The following RNF40 variants were observed in gnomAD, a reference collection of about 807,000 sequenced individuals.
RNF40 encodes E3 ubiquitin-protein ligase BRE1B.
In RNF40, 39 loss-of-function variants were observed where a neutral mutation model predicts 123.3. That is an observed-to-expected ratio of 0.32 (90% CI 0.24 to 0.41). The LOEUF is 0.41. Among genes scored for constraint, RNF40 ranks in the 10% least tolerant of loss-of-function variants. RNF40 has a pLI of 1.00. For synonymous variants in RNF40, 538 were observed against 526.0 expected, an observed-to-expected ratio of 1.02 and a Z score of -0.31; for missense variants, 1,003 against 1,319.9, an observed-to-expected ratio of 0.76 and a Z score of 3.72.
In RNF40 at chr16:30,774,764, A is replaced by T. The variant is rs961544999; in HGVS notation, c.*650A>T. ...CACCTTCCTCATCTTGCAGGTGCTG[A>T]ACCAACATCATCAGTTTCTATTCTA... On this transcript the variant is annotated 3_prime_UTR_variant, in exon 20 of 20. Transcript: ENST00000324685. 2 of 349,502 alleles carry T rather than the reference A, an allele frequency of 5.7e-6. No homozygotes were observed. Among genetic ancestry groups the T allele is most frequent in the Admixed American group, 7.9e-5 (2 of 25,296 alleles). The allele number at this position is 349,502 out of a possible 1,614,324, so 21.7% of individuals were successfully genotyped here.
At position 30,765,170 on chromosome 16, in the gene RNF40, A is replaced by G; in HGVS notation, c.772-11A>G. ...CCCCCATCCAAGCATCTGCTCCCTC[A>G]TTGTTCCCAGTACTCCGAGCTCCAG... On this transcript the variant is annotated splice_polypyrimidine_tract_variant and intron_variant, in intron 6 of 19. Transcript: ENST00000324685. 4 of 1,613,930 alleles carry G rather than the reference A, an allele frequency of 2.5e-6. No homozygotes were observed. The highest frequency in any genetic ancestry group is 3.4e-6 in the Non-Finnish European group (4 of 1,179,830).
Position 30,769,320 on chromosome 16 carries a change from C to T in RNF40, c.2382C>T (p.Ile794=). ...DANFKLMSER[I]KANQIHKLLR... ...ACTTTAAGCTAATGTCAGAGCGGAT[C>T]AAGGCCAACCAGATTCACAAGCTGC... The change falls in exon 16 of 20, where the codon ATC becomes ATT. Residue 794 remains isoleucine, a synonymous_variant. Coordinates refer to ENST00000324685, the MANE Select transcript of RNF40 (RefSeq NM_014771.4). 6.2e-7 allele frequency: 1 copy of T among 1,614,224 alleles called. No homozygotes were observed.
rs142853979 is a variant in RNF40, at chr16:30,766,992, G to A, written c.1429+116G>A. 2.3e-5 allele frequency: 30 copies of A among 1,322,326 alleles called. No individual in the cohort carries two copies. The African/African-American group carries it at 3.5e-4, about 16-fold the overall frequency. The allele number at this position is 1,322,326 out of a possible 1,614,324, so 81.9% of individuals were successfully genotyped here. A position where few individuals can be genotyped will look rare whatever the true frequency, so the allele number is the denominator to read the frequency against. On this transcript the variant is annotated intron_variant, in intron 11 of 19. Transcript: ENST00000324685. The surrounding 1 kb of genome is among the most constrained non-coding windows in gnomAD (Gnocchi z 5.4). ...AAGGCCTTTTTTTTCACAGAGCCTC[G>A]GCTTCCTATGCAAAACAGGGCCTGC...
intron 2 of RNF40, 169 bp downstream of exon 2, chr16:30,762,846 C>G: frequency 1.1e-6 from 1 of 915,856 alleles, no homozygotes. Context: ...CCTGTCTTCC[C>G]TTTACAGATA....
upstream of RNF40, chr16:30,762,278 G>GGA (rs2053856685): frequency 8.7e-6 from 3 of 344,668 alleles, no homozygotes; most frequent in Non-Finnish European, 1.5e-5. Context: ...GCGCACCGTT[G>GGA]GGGGGGGGGC....
chr16:30,769,687 G>C, intron 17 of RNF40, 87 bp downstream of exon 17: 1 of 1,406,168 alleles, frequency 7.1e-7, no homozygotes, highest in East Asian at 2.5e-5. Context: ...CGATGCAATA[G>C]CCTGAGGTGA....
intron 17 of RNF40, among the ~76,000 whole-genome samples, chr16:30,771,057 C>A (rs1344335303): frequency 1.3e-5 from 2 of 152,126 alleles, no homozygotes; most frequent in East Asian, 3.9e-4. Flanking sequence ...AGGCCTTGCG[C>A]TGATTGCTGT....
At chr16:30,764,506 C>A in intron 5 of RNF40, 121 bp downstream of exon 5, 1 of 845,954 alleles carries the variant, frequency 1.2e-6, no homozygotes, top group Non-Finnish European at 1.8e-6. Flanking sequence ...AGGAATAAAT[C>A]AGCCATGTTC....
At chr16:30,767,308 G>T (rs528447617) in intron 11 of RNF40, among the ~76,000 whole-genome samples, 1 of 152,218 alleles carries the variant, frequency 6.6e-6, no homozygotes, top group Non-Finnish European at 1.5e-5. Flanking sequence ...AATGGAAAAT[G>T]TGTTAGCTCT....
Position 30,765,307 on chromosome 16 carries a change from C to G in RNF40, c.898C>G (p.Leu300Val). 6.2e-7 allele frequency: 1 copy of G among 1,614,244 alleles called. No homozygotes were observed. Among genetic ancestry groups the G allele is most frequent in the South Asian group, 1.1e-5 (1 of 91,084 alleles). The change falls in exon 7 of 20, where the codon CTG becomes GTG. Residue 300 changes from leucine to valine, a missense_variant. Around this residue, in one of 11 missense-constraint regions of RNF40, gnomAD observed 274 missense variants for 356.9 expected, o/e 0.77. Transcript: ENST00000324685. ...GCGAGAGCAAAAGCTCAATAAGCAC[C>G]TGGCAGAGGCCTTAGAGCAGGTGGG... ...RKREQKLNKH[L>V]AEALEQLNSG...
At position 30,764,273 on chromosome 16, in the gene RNF40, G is replaced by A. The variant is rs1255972667; in HGVS notation, c.537G>A (p.Leu179=). 2 of 1,613,488 alleles carry A rather than the reference G, an allele frequency of 1.2e-6. No individual in the cohort carries two copies. The highest frequency in any genetic ancestry group is 4.5e-5 in the East Asian group (2 of 44,858). Residue 179 remains leucine (L), a synonymous_variant, in exon 5 of 20, where the codon CTG becomes CTA. Transcript: ENST00000324685. Reference sequence around the variant, plus strand: ...CCAGCAGCAGTGAGGAGGTGGAGCTGGAGCTGCAAGGCCGAATGGAGTTCT... The same window carrying A: ...CCAGCAGCAGTGAGGAGGTGGAGCTAGAGCTGCAAGGCCGAATGGAGTTCT... ...LGASSSEEVE[L]ELQGRMEFSK...
chr16:30,769,065 A>T, intron 15 of RNF40, 78 bp downstream of exon 15: 1 of 1,600,952 alleles, frequency 6.2e-7, no homozygotes, highest in Middle Eastern at 1.7e-4. Context: ...TAGTGCCTGC[A>T]GGACCTTGAT....
In RNF40 at chr16:30,775,067, C is replaced by T. The variant is rs1596768286; in HGVS notation, c.*953C>T. The T allele has an allele frequency of 1.5e-5, 7 of 456,160 alleles. No individual in the cohort carries two copies. The highest frequency in any genetic ancestry group is 4.6e-5 in the South Asian group (3 of 64,532). The allele number at this position is 456,160 out of a possible 1,614,324, so 28.3% of individuals were successfully genotyped here. ...AGCCATGCTCCATCGGCTGTGAGGG[C>T]AGTGCCCGGAGAGGCCAGAGGGTTG... is the stretch of plus-strand genomic sequence containing the variant. On this transcript the variant is annotated 3_prime_UTR_variant, in exon 20 of 20. Transcript: ENST00000324685.
chr16:30,769,819 C>T (rs529923354), intron 17 of RNF40, among the ~76,000 whole-genome samples: 11 of 152,286 alleles, frequency 7.2e-5, no homozygotes, highest in South Asian at 4.1e-4. Flanking sequence ...ATGGTGTTTA[C>T]GGGCGTGGTG....
At position 30,775,029 on chromosome 16, in the gene RNF40, T is replaced by C; in HGVS notation, c.*915T>C. On this transcript the variant is annotated 3_prime_UTR_variant, in exon 20 of 20. Coordinates refer to ENST00000324685, the MANE Select transcript of RNF40 (RefSeq NM_014771.4). The stretch of plus-strand genomic sequence containing the variant: ...ACACCCTGTGACTGAGCCTGTGTCC[T>C]GTCTGCCTGCCCAGCCATGCTCCAT... The C allele has an allele frequency of 2.2e-6, 1 of 456,536 alleles. No homozygotes were observed. The highest frequency in any genetic ancestry group is 4.4e-6 in the Non-Finnish European group (1 of 226,802). 28.3% of individuals were successfully genotyped at this position (456,536 alleles called of 1,614,324 possible). A position where few individuals can be genotyped will look rare whatever the true frequency, so the allele number is the denominator to read the frequency against.
chr16:30,763,517 G>A lies in RNF40; in HGVS notation c.400G>A (p.Asp134Asn). Reference sequence around the variant, plus strand: ...TGGGACCCAGGAGGGGCCAACATGTGATGGGACTCCTCTCCCAGAGCCGGG... The same window carrying A: ...TGGGACCCAGGAGGGGCCAACATGTAATGGGACTCCTCTCCCAGAGCCGGG... Reference protein sequence around the residue: ...APGTQEGPTCDGTPLPEPGTS... With the variant: ...APGTQEGPTCNGTPLPEPGTS... The change falls in exon 4 of 20, where the codon GAT becomes AAT. Residue 134 changes from aspartate (D) to asparagine (N), a missense_variant. Coordinates refer to ENST00000324685, the MANE Select transcript of RNF40 (RefSeq NM_014771.4). The A allele has an allele frequency of 1.9e-6, 3 of 1,614,162 alleles. No individual in the cohort carries two copies. Among genetic ancestry groups the A allele is most frequent in the Non-Finnish European group, 2.5e-6 (3 of 1,180,042 alleles).
rs952105528 is a variant in RNF40 at position 30,768,160 on chromosome 16, G to A, written c.1609G>A (p.Asp537Asn). 4 of 1,610,262 alleles carry A rather than the reference G, an allele frequency of 2.5e-6. No individual in the cohort carries two copies. The highest frequency in any genetic ancestry group is 2.5e-6 in the Non-Finnish European group (3 of 1,178,190). Residue 537 changes from aspartate to asparagine, a missense_variant, in exon 13 of 20, where the codon GAT becomes AAT. Asp to Asn is a conservative substitution (Grantham distance 23). Transcript: ENST00000324685. The surrounding 1 kb of genome is among the most constrained non-coding windows in gnomAD (Gnocchi z 4.1). ...HSTPNLGHPE[D>N]SGVSAPAPGK... Reference sequence around the variant, plus strand: ...CACCCCCAACCTGGGCCACCCAGAGGATTCTGGCGTCAGTGCCCCAGCCCC... The same window carrying A: ...CACCCCCAACCTGGGCCACCCAGAGAATTCTGGCGTCAGTGCCCCAGCCCC...
chr16:30,774,058 C>A lies in RNF40; in HGVS notation c.2950C>A (p.Pro984Thr), dbSNP rs771845087. The A allele has an allele frequency of 4.3e-6, 7 of 1,614,072 alleles. No individual in the cohort carries two copies. Among genetic ancestry groups the A allele is most frequent in the Non-Finnish European group, 5.1e-6 (6 of 1,179,910 alleles). ...GRYEARQRKC[P>T]KCNAAFGAHD... Reference sequence around the variant, plus strand: ...CTATGAGGCCCGCCAGAGGAAGTGCCCCAAGTGCAACGCGGCCTTTGGTGC... The same window carrying A: ...CTATGAGGCCCGCCAGAGGAAGTGCACCAAGTGCAACGCGGCCTTTGGTGC... The change falls in exon 20 of 20, where the codon CCC becomes ACC. Residue 984 changes from proline to threonine, a missense_variant. Coordinates refer to ENST00000324685, the MANE Select transcript of RNF40 (RefSeq NM_014771.4).
At position 30,767,914 on chromosome 16, in the gene RNF40, C is replaced by T. The variant is rs753414503; in HGVS notation, c.1450C>T (p.Arg484Cys). 3.1e-6 allele frequency: 5 copies of T among 1,614,110 alleles called. No homozygotes were observed. Among genetic ancestry groups the T allele is most frequent in the Non-Finnish European group, 4.2e-6 (5 of 1,180,024 alleles). Residue 484 changes from arginine (R) to cysteine (C), a missense_variant, in exon 12 of 20, where the codon CGC (arginine) becomes TGC (cysteine). By Grantham distance (180) the Arg-to-Cys change is radical. Coordinates refer to ENST00000324685, the MANE Select transcript of RNF40 (RefSeq NM_014771.4). ...EQAGPINREM[R>C]HLISSLQNHN... ...TCCAGGGCCCATCAACCGTGAGATG[C>T]GCCACCTGATTAGTAGTCTTCAAAA...
Sources: allele counts gnomAD v4.1 joint callset (sites outside exome capture counted in the v4.1 genomes callset), GRCh38; gene constraint gnomAD v4.1.1; regional missense constraint gnomAD v4.1.1; non-coding constraint Gnocchi (gnomAD v3.1); transcripts MANE v1.5; gene names NCBI Gene and HGNC (gene_info 2026-07-23, HGNC 2026-07-21).